Variants in ELP2 observed in about 807,000 individuals in gnomAD.
The protein encoded by ELP2 is elongator complex protein 2.
In ELP2, 90 loss-of-function variants were observed where a neutral mutation model predicts 119.2. The ratio of observed to expected loss-of-function variants is 0.75; its 90% CI spans 0.64 to 0.90. The LOEUF (loss-of-function observed/expected upper bound fraction) is 0.90, where lower values mean the gene tolerates loss of function less well. ELP2 is among the 40% of genes least tolerant of loss of function. The pLI is 0.00. For synonymous variants in ELP2, 339 were observed against 331.0 expected, an observed-to-expected ratio of 1.02 and a Z score of -0.26; for missense variants, 921 against 967.8, an observed-to-expected ratio of 0.95 and a Z score of 0.64.
chr18:36,138,227 A>T lies in ELP2; in HGVS notation c.289-43A>T, dbSNP rs2089900628. 3 of 1,580,392 alleles carry T rather than the reference A, an allele frequency of 1.9e-6. No individual in the cohort carries two copies. In the African/African-American group the frequency reaches 4.2e-5, roughly 22 times the overall value. On this transcript the variant is annotated intron_variant, in intron 3 of 21. Transcript: ENST00000358232. ...TATCCAATTAAATAAAGGTAAAAAA[A>T]ATCCTTTTTTTCACAATGCTTCTGT...
chr18:36,177,724 G>A lies in ELP2; in HGVS notation c.*3083G>A, dbSNP rs1296845479. 2 of 151,988 alleles carry A rather than the reference G, an allele frequency of 1.3e-5. No individual in the cohort carries two copies. The highest frequency in any genetic ancestry group is 1.9e-4 in the East Asian group (1 of 5,184). The allele number at this position is 151,988 out of a possible 1,614,324, so 9.4% of individuals were successfully genotyped here. A position where few individuals can be genotyped will look rare whatever the true frequency, so the allele number is the denominator to read the frequency against. ...GATGTAAATCGGTACTAAAAAAAAA[G>A]TGCTCCAAAGTAAGATATATTTGGG... On this transcript the variant is annotated 3_prime_UTR_variant, in exon 22 of 22. Transcript: ENST00000358232.
At position 36,161,827 on chromosome 18, in the gene ELP2, C is replaced by A. The variant is rs375268332; in HGVS notation, c.1761+823C>A. On this transcript the variant is annotated intron_variant, in intron 17 of 21. Transcript: ENST00000358232. ...TGTGCTTCCCCTACACCCACCCCTA[C>A]CCCACTTGTTTATTCTTTGAAATGG... 1.5e-4 allele frequency among the ~76,000 whole-genome samples: 23 copies of A among 152,070 alleles called. No homozygotes were observed. In the East Asian group the frequency reaches 3.9e-3, roughly 26 times the overall value.
In ELP2 at chr18:36,147,239, A is replaced by C. The variant is rs1046686649; in HGVS notation, c.1125+858A>C. Among the ~76,000 whole-genome samples, 9 of 151,898 alleles carry C rather than the reference A, an allele frequency of 5.9e-5. No homozygotes were observed. In the South Asian group the frequency reaches 1.9e-3, roughly 32 times the overall value. On this transcript the variant is annotated intron_variant, in intron 11 of 21. Transcript: ENST00000358232. ...CAGGTGCACCTCACCACACCCAGCTAATATCTAAAATTTTTTTTATAGACA... is the reference window on the plus strand; with the variant it reads ...CAGGTGCACCTCACCACACCCAGCTCATATCTAAAATTTTTTTTATAGACA...
At chr18:36,142,089 G>T (rs560084465) in intron 6 of ELP2, among the ~76,000 whole-genome samples, 192 bp from the exon 7 acceptor site, 1 of 151,980 alleles carries the variant, frequency 6.6e-6, no homozygotes, top group African/African-American at 2.4e-5. Flanking sequence ...CTACTCAGAG[G>T]TGCTCCAGTT....
At position 36,134,003 on chromosome 18, in the gene ELP2, G is replaced by A. The variant is rs148753106; in HGVS notation, c.217+687G>A. On this transcript the variant is annotated intron_variant, in intron 2 of 21. Transcript: ENST00000358232. ...CGGCTCACTGCGAGCTCCGCCTCCC[G>A]GGTTCACACCATTCTCCTGCCTTGC... is the stretch of plus-strand genomic sequence containing the variant. 1.7e-3 allele frequency among the ~76,000 whole-genome samples: 239 copies of A among 143,154 alleles called. 1 individual carries two copies. Among genetic ancestry groups the A allele is most frequent in the African/African-American group, 5.7e-3 (216 of 38,102 alleles). 93.9% of individuals were successfully genotyped at this position (143,154 alleles called of 152,430 possible). A position where few individuals can be genotyped will look rare whatever the true frequency, so the allele number is the denominator to read the frequency against.
At chr18:36,143,037 C>T in intron 8 of ELP2, 71 bp downstream of exon 8, 1 of 1,062,570 alleles carries the variant, frequency 9.4e-7, no homozygotes, top group Non-Finnish European at 1.4e-6. Flanking sequence ...TTTTTCACCA[C>T]CCACCTATGT....
chr18:36,165,606 G>T (rs756707010), intron 18 of ELP2, among the ~76,000 whole-genome samples: 2 of 152,204 alleles, frequency 1.3e-5, no homozygotes, highest in African/African-American at 4.8e-5. Flanking sequence ...AGTCCACCAG[G>T]CACAGTGGCT....
Position 36,156,495 on chromosome 18 carries a change from G to A in ELP2, c.1305G>A (p.Gln435=), listed in dbSNP as rs781432869. 1 of 1,614,030 alleles carries A rather than the reference G, an allele frequency of 6.2e-7. No homozygotes were observed. Among genetic ancestry groups the A allele is most frequent in the Non-Finnish European group, 8.5e-7 (1 of 1,180,018 alleles). The change falls in exon 13 of 22, where the codon CAG becomes CAA. Residue 435 remains glutamine, a synonymous_variant. Transcript: ENST00000358232. The part of the protein sequence containing the change: ...QVTWHEIARP[Q]IHGYDLKCLA... ...CTTGGCATGAAATTGCAAGGCCTCA[G>A]ATACATGGGTATGACCTGAAATGTT...
chr18:36,144,982 C>T lies in ELP2; in HGVS notation c.840C>T (p.Ala280=), dbSNP rs770677790. 17 of 1,613,900 alleles carry T rather than the reference C, an allele frequency of 1.1e-5. 1 individual carries two copies. The highest frequency in any genetic ancestry group is 8.8e-5 in the South Asian group (8 of 91,078). The change falls in exon 9 of 22, where the codon GCC becomes GCT. Residue 280 remains alanine (A), a synonymous_variant. Coordinates refer to ENST00000358232, the MANE Select transcript of ELP2 (RefSeq NM_018255.4). ...AFAVTLETVL[A]GHENWVNAVH... Reference sequence around the variant, plus strand: ...CTGTTACTCTGGAGACAGTGCTAGCCGGTCATGAAAACTGGGTAAATGCAG... The same window carrying T: ...CTGTTACTCTGGAGACAGTGCTAGCTGGTCATGAAAACTGGGTAAATGCAG...
At chr18:36,154,051 A>G (rs539315378) in intron 11 of ELP2, among the ~76,000 whole-genome samples, 50 of 140,896 alleles carry the variant, frequency 3.5e-4, no homozygotes, top group African/African-American at 1.3e-3. Flanking sequence ...AGGGAGTAAC[A>G]TTTTTTGTCA....
At chr18:36,157,772 T>C (rs987727312) in intron 13 of ELP2, among the ~76,000 whole-genome samples, 4 of 152,244 alleles carry the variant, frequency 2.6e-5, no homozygotes, top group Admixed American at 6.5e-5. Flanking sequence ...GATTCTGTTA[T>C]GCTTGTTTCT....
At chr18:36,139,672 G>A in intron 5 of ELP2, 1 of 1,431,586 alleles carries the variant, frequency 7.0e-7, no homozygotes, top group Non-Finnish European at 9.3e-7. Flanking sequence ...TTGATCTAAA[G>A]TAAGAAAATC....
At chr18:36,148,714 G>T (rs1316571373) in intron 11 of ELP2, among the ~76,000 whole-genome samples, 1 of 152,136 alleles carries the variant, frequency 6.6e-6, no homozygotes, top group Admixed American at 6.5e-5. Flanking sequence ...TTAAAAATTA[G>T]CCATGGGCTT....
At chr18:36,146,093 C>T (rs2090190275) in intron 10 of ELP2, 45 bp downstream of exon 10, 3 of 1,594,816 alleles carry the variant, frequency 1.9e-6, no homozygotes, top group African/African-American at 2.7e-5. Context: ...AAGTTTTGAA[C>T]TCTGTATTTA....
At chr18:36,134,070 T>C (rs1270604438) in intron 2 of ELP2, among the ~76,000 whole-genome samples, 1 of 152,030 alleles carries the variant, frequency 6.6e-6, no homozygotes, top group African/African-American at 2.4e-5. Flanking sequence ...CCTCAAGCAG[T>C]CTTCCCTCTT....
chr18:36,137,697 C>G (rs905878408), intron 3 of ELP2, among the ~76,000 whole-genome samples: 1 of 150,314 alleles, frequency 6.7e-6, no homozygotes, highest in African/African-American at 2.4e-5. Flanking sequence ...TTTTGCAGCC[C>G]TACTTGATTT....
At chr18:36,164,367 A>G in intron 17 of ELP2, 108 bp from the exon 18 acceptor site, 1 of 1,112,684 alleles carries the variant, frequency 9.0e-7, no homozygotes, top group Non-Finnish European at 1.3e-6. Flanking sequence ...TTTGGAATTC[A>G]AACAGATAAA....
chr18:36,145,049 A>T lies in ELP2; in HGVS notation c.892+15A>T. 6.3e-7 allele frequency: 1 copy of T among 1,587,238 alleles called. No homozygotes were observed. Among genetic ancestry groups the T allele is most frequent in the Non-Finnish European group, 8.7e-7 (1 of 1,155,422 alleles). ...GTTTTACAAAGGTAGGAAGAAAACC[A>T]TACACATATCCCTTACTCCAGTTAA... On this transcript the variant is annotated intron_variant, in intron 9 of 21. Coordinates refer to ENST00000358232, the MANE Select transcript of ELP2 (RefSeq NM_018255.4).
At chr18:36,133,450 A>G (rs1281762337) in intron 2 of ELP2, 134 bp downstream of exon 2, 5 of 718,438 alleles carry the variant, frequency 7.0e-6, no homozygotes, top group Non-Finnish European at 7.6e-6. Flanking sequence ...AACAAGAAAA[A>G]TGGTATTCCC....
Sources: gnomAD v4.1 joint callset for allele counts (sites outside exome capture counted in the v4.1 genomes callset) on GRCh38, gnomAD v4.1.1 for gene constraint, MANE v1.5 for transcripts, NCBI Gene and HGNC (gene_info 2026-07-23, HGNC 2026-07-21) for gene names.